The following SNX29 variants were observed in gnomAD, a reference collection of about 807,000 sequenced individuals.
SNX29 encodes sorting nexin-29.
In SNX29, 78 loss-of-function variants were observed where a neutral mutation model predicts 102.1. That is an observed-to-expected ratio of 0.76 (90% CI 0.64 to 0.92). The LOEUF (loss-of-function observed/expected upper bound fraction) is 0.92, where lower values mean the gene tolerates loss of function less well. SNX29 is among the 40% of genes least tolerant of loss of function. SNX29 has a pLI of 0.00. For missense variants in SNX29, 1,280 were observed against 1,061.7 expected, an observed-to-expected ratio of 1.21 and a Z score of -2.86; for synonymous variants, 580 against 414.5, an observed-to-expected ratio of 1.40 and a Z score of -4.85.
Position 12,274,540 on chromosome 16 carries a change from C to CTT in SNX29, c.1679-3380_1679-3379dup, listed in dbSNP as rs111226323. Among the ~76,000 whole-genome samples, 17 of 143,852 alleles carry CTT rather than the reference C, an allele frequency of 1.2e-4. No individual in the cohort carries two copies. In the East Asian group the frequency reaches 1.4e-3, roughly 12 times the overall value. 94.4% of individuals were successfully genotyped at this position (143,852 alleles called of 152,430 possible). A position where few individuals can be genotyped will look rare whatever the true frequency, so the allele number is the denominator to read the frequency against. ...TTGTAGTTCTCTATTCTCCCCACCT[C>CTT]TTTTTTTTTTTTTTGAGACAGAGTC... On this transcript the variant is annotated intron_variant, in intron 14 of 20. Coordinates refer to ENST00000566228, the MANE Select transcript of SNX29 (RefSeq NM_032167.5).
At chr16:12,161,115 A>C (rs988403939) in intron 13 of SNX29, among the ~76,000 whole-genome samples, 2 of 152,198 alleles carry the variant, frequency 1.3e-5, no homozygotes, top group Admixed American at 6.5e-5. Flanking sequence ...TCAGTCCCGC[A>C]ATGATTTCCA....
chr16:12,170,138 G>T (rs2076111832), intron 13 of SNX29, among the ~76,000 whole-genome samples: 1 of 152,034 alleles, frequency 6.6e-6, no homozygotes, highest in Non-Finnish European at 1.5e-5. Context: ...AACTAAAGAA[G>T]TCTCCAGATG....
chr16:12,541,689 C>G (rs1365492875), intron 20 of SNX29, among the ~76,000 whole-genome samples: 14 of 152,124 alleles, frequency 9.2e-5, no homozygotes, highest in Admixed American at 5.9e-4. Flanking sequence ...TTACCACTAC[C>G]CTGGGGCGGG....
intron 19 of SNX29, among the ~76,000 whole-genome samples, chr16:12,490,288 T>C (rs761772329): frequency 1.3e-5 from 2 of 152,244 alleles, no homozygotes. Context: ...TACCATAGTG[T>C]GCTTTTGCCT....
At chr16:12,234,696 G>T (rs1029044328) in intron 14 of SNX29, among the ~76,000 whole-genome samples, 1 of 152,114 alleles carries the variant, frequency 6.6e-6, no homozygotes, top group African/African-American at 2.4e-5. Flanking sequence ...AGATGCTGTC[G>T]GCTTCAGCCC....
intron 14 of SNX29, among the ~76,000 whole-genome samples, chr16:12,273,201 C>G (rs778029994): frequency 2.0e-5 from 3 of 152,152 alleles, no homozygotes; most frequent in Non-Finnish European, 4.4e-5. Flanking sequence ...TTCTGGCCTA[C>G]TCTAGCCAGA....
intron 16 of SNX29, among the ~76,000 whole-genome samples, chr16:12,384,223 T>C (rs894495976): frequency 1.3e-5 from 2 of 152,202 alleles, no homozygotes; most frequent in Non-Finnish European, 2.9e-5. Flanking sequence ...TTTCTTTCTT[T>C]CGGGTATATA....
intron 3 of SNX29, among the ~76,000 whole-genome samples, chr16:12,026,074 G>A (rs973096531): frequency 9.9e-5 from 15 of 152,148 alleles, no homozygotes; most frequent in African/African-American, 3.6e-4. Context: ...TTGTTACCAT[G>A]GGTGTCGGGA....
At chr16:12,566,004 G>A (rs1253803393) in intron 20 of SNX29, among the ~76,000 whole-genome samples, 3 of 152,132 alleles carry the variant, frequency 2.0e-5, no homozygotes, top group African/African-American at 4.8e-5. Flanking sequence ...ACCCCTTCAT[G>A]CCCAGCCCAG....
At chr16:12,161,021 C>G (rs1435564418) in intron 13 of SNX29, among the ~76,000 whole-genome samples, 2 of 152,220 alleles carry the variant, frequency 1.3e-5, no homozygotes, top group Non-Finnish European at 2.9e-5. Context: ...TGCTGACATG[C>G]TACAGCTGAT....
In SNX29 at chr16:12,206,241, G is replaced by T. The variant is rs549973754; in HGVS notation, c.1678+6558G>T. Among the ~76,000 whole-genome samples, 7 of 152,272 alleles carry T rather than the reference G, an allele frequency of 4.6e-5. No homozygotes were observed. The South Asian group carries it at 1.2e-3, about 27-fold the overall frequency. Reference sequence around the variant, plus strand: ...TTAAGCCAAATACAAGAGAAGTCCAGGAGTATCTGCCTTCAGGGATGGTTT... The same window carrying T: ...TTAAGCCAAATACAAGAGAAGTCCATGAGTATCTGCCTTCAGGGATGGTTT... On this transcript the variant is annotated intron_variant, in intron 14 of 20. Coordinates refer to ENST00000566228, the MANE Select transcript of SNX29 (RefSeq NM_032167.5).
intron 14 of SNX29, among the ~76,000 whole-genome samples, chr16:12,223,386 G>A (rs1037264990): frequency 2.0e-5 from 3 of 152,142 alleles, no homozygotes; most frequent in African/African-American, 4.8e-5. Flanking sequence ...ATTAGGCTTC[G>A]CACGGTGGCT....
intron 16 of SNX29, among the ~76,000 whole-genome samples, chr16:12,369,882 G>A (rs928607489): frequency 1.3e-5 from 2 of 152,186 alleles, no homozygotes; most frequent in African/African-American, 2.4e-5. Flanking sequence ...TGCATCTGAT[G>A]TTCTATGTAT....
chr16:12,259,845 G>A (rs2078681793), intron 14 of SNX29, among the ~76,000 whole-genome samples: 1 of 151,968 alleles, frequency 6.6e-6, no homozygotes, highest in Admixed American at 6.6e-5. Context: ...GTGGTTCAGG[G>A]TCCCCCTTTG....
intron 18 of SNX29, among the ~76,000 whole-genome samples, chr16:12,434,160 C>T (rs1224702166): frequency 6.6e-6 from 1 of 152,208 alleles, no homozygotes; most frequent in Non-Finnish European, 1.5e-5. Flanking sequence ...TTCTGCCTGG[C>T]CTCAGGCAAC....
rs1030922747 is a variant in SNX29 at position 12,572,415 on chromosome 16, C to T, written c.*3786C>T. 4.7e-6 allele frequency: 5 copies of T among 1,063,808 alleles called. No homozygotes were observed. Among genetic ancestry groups the T allele is most frequent in the Non-Finnish European group, 3.4e-6 (3 of 878,384 alleles). 65.9% of individuals were successfully genotyped at this position (1,063,808 alleles called of 1,614,324 possible). ...ACAGCCTGAGGCAGGGCTCTGTGGCCCAGGCCGGCAGTGGCTGCCTCTCTT... is the reference window on the plus strand; with the variant it reads ...ACAGCCTGAGGCAGGGCTCTGTGGCTCAGGCCGGCAGTGGCTGCCTCTCTT... On this transcript the variant is annotated 3_prime_UTR_variant, in exon 21 of 21. Transcript: ENST00000566228.
At chr16:12,075,140 A>G (rs370317233) in intron 10 of SNX29, among the ~76,000 whole-genome samples, 11 of 152,196 alleles carry the variant, frequency 7.2e-5, no homozygotes, top group Non-Finnish European at 1.2e-4. Flanking sequence ...TAGTTTGATC[A>G]TCTGAAGCCT....
intron 16 of SNX29, chr16:12,373,119 A>G (rs762662074): frequency 5.9e-5 from 9 of 152,134 alleles, no homozygotes; most frequent in Non-Finnish European, 1.0e-4. Flanking sequence ...CCTCACCTTT[A>G]TTTCTTTACA....
chr16:12,341,567 C>T lies in SNX29; in HGVS notation c.1783-14596C>T, dbSNP rs574394678. On this transcript the variant is annotated intron_variant, in intron 15 of 20. Transcript: ENST00000566228. ...GTTCGTATGTGTCCAACATGGGTTGCCCAAGGGCAACAGTGGGACTGTTCT... is the reference window on the plus strand; with the variant it reads ...GTTCGTATGTGTCCAACATGGGTTGTCCAAGGGCAACAGTGGGACTGTTCT... Among the ~76,000 whole-genome samples, 126 of 152,348 alleles carry T rather than the reference C, an allele frequency of 8.3e-4. 1 individual carries two copies. The highest frequency in any genetic ancestry group is 2.8e-3 in the African/African-American group (117 of 41,582).
Sources: gnomAD v4.1 joint callset for allele counts (sites outside exome capture counted in the v4.1 genomes callset) on GRCh38, gnomAD v4.1.1 for gene constraint, MANE v1.5 for transcripts, NCBI Gene and HGNC (gene_info 2026-07-23, HGNC 2026-07-21) for gene names.